Variants in GALNT13 observed in about 807,000 individuals in gnomAD.
The protein encoded by GALNT13 is polypeptide N-acetylgalactosaminyltransferase 13.
Under a neutral mutation model 64.2 loss-of-function variants are expected in GALNT13, and 28 were observed. That is an observed-to-expected ratio of 0.44 (90% CI 0.32 to 0.60). The LOEUF (loss-of-function observed/expected upper bound fraction) is 0.60, where lower values mean the gene tolerates loss of function less well. Among genes scored for constraint, GALNT13 ranks in the 20% least tolerant of loss-of-function variants. The pLI, the probability that GALNT13 is intolerant of heterozygous loss-of-function variation, is 0.05. For synonymous variants in GALNT13, 214 were observed against 224.6 expected (o/e 0.95, Z 0.42); for missense variants, 577 against 669.8 (o/e 0.86, Z 1.53).
intron 7 of GALNT13, among the ~76,000 whole-genome samples, chr2:154,253,290 T>C (rs1690185637): frequency 6.6e-6 from 1 of 152,154 alleles, no homozygotes; most frequent in Non-Finnish European, 1.5e-5. Flanking sequence ...AGGGTGATTA[T>C]CACAGCGTGA....
chr2:153,483,290 A>T, the GALNT13 span, among the ~76,000 whole-genome samples: 6 of 152,108 alleles, frequency 3.9e-5, no homozygotes, highest in Admixed American at 3.9e-4. Context: ...TCATAACAGC[A>T]TTGTTCACAA....
chr2:153,576,316 A>C, the GALNT13 span, among the ~76,000 whole-genome samples: 1 of 152,090 alleles, frequency 6.6e-6, no homozygotes, highest in East Asian at 1.9e-4. Context: ...GCCCAGTTCA[A>C]CACTAGGACT....
the GALNT13 span, among the ~76,000 whole-genome samples, chr2:153,664,193 A>C: frequency 6.6e-6 from 1 of 152,152 alleles, no homozygotes; most frequent in South Asian, 2.1e-4. Flanking sequence ...AGACCAGGGC[A>C]TATTTCATCC....
the GALNT13 span, among the ~76,000 whole-genome samples, chr2:153,788,081 T>C: frequency 3.3e-5 from 5 of 152,246 alleles, no homozygotes; most frequent in East Asian, 9.7e-4. Flanking sequence ...ATTCAGGAAA[T>C]GCAGAAAACC....
chr2:154,404,721 A>C (rs971612258), intron 10 of GALNT13, among the ~76,000 whole-genome samples: 3 of 152,190 alleles, frequency 2.0e-5, no homozygotes, highest in African/African-American at 7.2e-5. Context: ...CCTTCTCAGA[A>C]GACACTTTGG....
chr2:153,998,604 C>G (rs978218161), intron 3 of GALNT13, among the ~76,000 whole-genome samples: 2 of 152,164 alleles, frequency 1.3e-5, no homozygotes, highest in Admixed American at 1.3e-4. Context: ...TGCCTGTTCA[C>G]TCTGTTGATA....
the GALNT13 span, among the ~76,000 whole-genome samples, chr2:153,546,990 A>T: frequency 6.6e-6 from 1 of 152,222 alleles, no homozygotes; most frequent in African/African-American, 2.4e-5. Context: ...CTATTTATAA[A>T]GCTAGCTTGG....
At chr2:153,195,219 C>T in the GALNT13 span, among the ~76,000 whole-genome samples, 16 of 152,202 alleles carry the variant, frequency 1.1e-4, no homozygotes, top group Admixed American at 5.2e-4. Context: ...GGTGTCACTT[C>T]TCTGGCTAAA....
chr2:153,550,856 C>G, the GALNT13 span, among the ~76,000 whole-genome samples: 2 of 152,018 alleles, frequency 1.3e-5, no homozygotes, highest in African/African-American at 4.8e-5. Flanking sequence ...ATTTTCTAGA[C>G]ATTGGTGACA....
rs749700926 is a variant in GALNT13, at chr2:153,944,524, G to C, written c.27G>C (p.Val9=). 6.2e-7 allele frequency: 1 copy of C among 1,613,580 alleles called. No homozygotes were observed. Among genetic ancestry groups the C allele is most frequent in the Non-Finnish European group, 8.5e-7 (1 of 1,179,670 alleles). The change falls in exon 3 of 13, where the codon GTG becomes GTC. Residue 9 remains valine (V), a synonymous_variant. Transcript: ENST00000392825. ...TGAGGAGATTTGTCTACTGCAAGGTGGTTCTAGCCACTTCGCTGATGTGGG... is the reference window on the plus strand; with the variant it reads ...TGAGGAGATTTGTCTACTGCAAGGTCGTTCTAGCCACTTCGCTGATGTGGG... MRRFVYCK[V]VLATSLMWVL... is the part of the protein sequence containing the mutation.
the GALNT13 span, among the ~76,000 whole-genome samples, chr2:153,752,074 A>C: frequency 6.6e-6 from 1 of 152,006 alleles, no homozygotes; most frequent in Non-Finnish European, 1.5e-5. Flanking sequence ...ATAACAATTT[A>C]ACACTATTTG....
the GALNT13 span, among the ~76,000 whole-genome samples, chr2:153,665,722 C>G: frequency 6.6e-6 from 1 of 152,234 alleles, no homozygotes; most frequent in East Asian, 1.9e-4. Context: ...CCCCAAGCAA[C>G]TCCTAGGGAA....
chr2:154,234,018 G>A (rs1689065963), intron 4 of GALNT13, among the ~76,000 whole-genome samples: 1 of 152,130 alleles, frequency 6.6e-6, no homozygotes, highest in Admixed American at 6.6e-5. Context: ...ATTTAAAAGA[G>A]CTGAAAGGGA....
the GALNT13 span, among the ~76,000 whole-genome samples, chr2:153,392,032 T>C: frequency 6.7e-6 from 1 of 148,490 alleles, no homozygotes; most frequent in South Asian, 2.1e-4. Flanking sequence ...TTATATAATA[T>C]ATGTGATTTA....
At chr2:153,349,560 AG>A in the GALNT13 span, among the ~76,000 whole-genome samples, 3 of 152,348 alleles carry the variant, frequency 2.0e-5, no homozygotes, top group African/African-American at 7.2e-5. Context: ...CAGCTCTTAA[AG>A]ATGGTGGCGG....
chr2:153,879,837 C>T (rs1378557315), intron 1 of GALNT13, among the ~76,000 whole-genome samples: 1 of 152,098 alleles, frequency 6.6e-6, no homozygotes, highest in Non-Finnish European at 1.5e-5. Context: ...GAAGTTGTTG[C>T]ACCAGATAAA....
the GALNT13 span, among the ~76,000 whole-genome samples, chr2:153,288,570 G>A: frequency 2.0e-5 from 3 of 152,180 alleles, no homozygotes; most frequent in Non-Finnish European, 4.4e-5. Flanking sequence ...TAGTCACTTA[G>A]TAGCCATCTT....
At chr2:153,642,606 G>T in the GALNT13 span, among the ~76,000 whole-genome samples, 3 of 151,738 alleles carry the variant, frequency 2.0e-5, no homozygotes, top group Admixed American at 6.6e-5. Context: ...ACTACAAATT[G>T]TGAAAAATAC....
chr2:154,310,394 A>G (rs1259195237), intron 9 of GALNT13, among the ~76,000 whole-genome samples: 1 of 152,140 alleles, frequency 6.6e-6, no homozygotes, highest in Non-Finnish European at 1.5e-5. Flanking sequence ...TGTATCCTTC[A>G]AATCTTTTTC....
Sources: gnomAD v4.1 joint callset for allele counts (sites outside exome capture counted in the v4.1 genomes callset) on GRCh38, gnomAD v4.1.1 for gene constraint, MANE v1.5 for transcripts, NCBI Gene and HGNC (gene_info 2026-07-23, HGNC 2026-07-21) for gene names.